Variants in SPTA1 observed in about 807,000 individuals in gnomAD.
The protein encoded by SPTA1 is spectrin alpha chain, erythrocytic 1.
Under a neutral mutation model 324.7 loss-of-function variants are expected in SPTA1, and 177 were observed. The ratio of observed to expected loss-of-function variants is 0.55; its 90% CI spans 0.48 to 0.62. The LOEUF is 0.62. SPTA1 is among the 20% of genes least tolerant of loss of function. The pLI is 0.00. For synonymous variants in SPTA1, 1,195 were observed against 1,041.3 expected, an observed-to-expected ratio of 1.15 and a Z score of -2.84; for missense variants, 3,162 against 2,883.6, an observed-to-expected ratio of 1.10 and a Z score of -2.21.
Position 158,611,029 on chromosome 1 carries a change from T to C in SPTA1, c.*235A>G. On this transcript the variant is annotated 3_prime_UTR_variant, in exon 52 of 52. Coordinates refer to ENST00000643759, the MANE Select transcript of SPTA1 (RefSeq NM_003126.4). ...CACCCCTCAGCAGTGACTAGTTGCATACAAAATAGCTTCCACTCCTCCAAC... is the reference window on the plus strand; with the variant it reads ...CACCCCTCAGCAGTGACTAGTTGCACACAAAATAGCTTCCACTCCTCCAAC... 3.7e-6 allele frequency: 2 copies of C among 535,556 alleles called. No homozygotes were observed. Among genetic ancestry groups the C allele is most frequent in the South Asian group, 2.0e-5 (1 of 49,472 alleles). The allele number at this position is 535,556 out of a possible 1,614,324, so 33.2% of individuals were successfully genotyped here.
At chr1:158,630,892 A>T (rs190448744) in intron 39 of SPTA1, among the ~76,000 whole-genome samples, 241 of 152,294 alleles carry the variant, frequency 1.6e-3, no homozygotes, top group Non-Finnish European at 2.6e-3. Context: ...AATATCACTA[A>T]TTATCAGGGA....
At chr1:158,665,776 T>A (rs1219845637) in intron 16 of SPTA1, among the ~76,000 whole-genome samples, 1 of 152,214 alleles carries the variant, frequency 6.6e-6, no homozygotes, top group African/African-American at 2.4e-5. Context: ...AAAATATTTT[T>A]AAGCTTTGAA....
At chr1:158,653,877 T>A (rs1652639976) in intron 21 of SPTA1, among the ~76,000 whole-genome samples, 1 of 152,212 alleles carries the variant, frequency 6.6e-6, no homozygotes, top group Non-Finnish European at 1.5e-5. Flanking sequence ...GAGTGTTACT[T>A]TATTTTTTAT....
chr1:158,672,331 T>C, intron 10 of SPTA1, 135 bp from the exon 11 acceptor site: 1 of 854,578 alleles, frequency 1.2e-6, no homozygotes, highest in African/African-American at 1.7e-5. Flanking sequence ...GATTCCAACT[T>C]TTAAGCAAAT....
chr1:158,612,665 G>A (rs1571365714), intron 51 of SPTA1, 152 bp downstream of exon 51: 3 of 793,210 alleles, frequency 3.8e-6, no homozygotes, highest in Non-Finnish European at 6.3e-6. Context: ...ACAAAATGAA[G>A]TGGTTACCAA....
At chr1:158,626,115 C>A (rs757785854) in intron 42 of SPTA1, 31 bp downstream of exon 42, 1 of 1,600,632 alleles carries the variant, frequency 6.2e-7, no homozygotes, top group South Asian at 1.1e-5. Flanking sequence ...TGAATCAGGT[C>A]TTGGGCTTAC....
In SPTA1 at chr1:158,659,753, G is replaced by A. The variant is rs1653082823; in HGVS notation, c.2587+1534C>T. Among the ~76,000 whole-genome samples the A allele has an allele frequency of 2.0e-5, 2 of 98,630 alleles. 1 individual carries two copies. The highest frequency in any genetic ancestry group is 1.5e-4 in the African/African-American group (2 of 13,770). The allele number at this position is 98,630 out of a possible 152,430, so 64.7% of individuals were successfully genotyped here. A position where few individuals can be genotyped will look rare whatever the true frequency, so the allele number is the denominator to read the frequency against. Reference sequence around the variant, plus strand: ...AGCCTCCCGAGTAGCTGGGACTACAGGCGCCCGCCACCGCGCCCGGCTAAT... The same window carrying A: ...AGCCTCCCGAGTAGCTGGGACTACAAGCGCCCGCCACCGCGCCCGGCTAAT... On this transcript the variant is annotated intron_variant, in intron 18 of 51. Coordinates refer to ENST00000643759, the MANE Select transcript of SPTA1 (RefSeq NM_003126.4).
Position 158,613,738 on chromosome 1 carries a change from A to G in SPTA1, c.6972T>C (p.Asp2324=). The change falls in exon 50 of 52, where the codon GAT becomes GAC. Residue 2324 remains aspartate, a synonymous_variant. Coordinates refer to ENST00000643759, the MANE Select transcript of SPTA1 (RefSeq NM_003126.4). ...GTTCCTACCTCCCTGGATCCACAGC[A>G]TCCAGGAACTTCTCAAACTTGGGCT... ...EHEPKFEKFL[D]AVDPGRKGYV... The G allele has an allele frequency of 6.2e-7, 1 of 1,613,818 alleles. No homozygotes were observed. The highest frequency in any genetic ancestry group is 8.5e-7 in the Non-Finnish European group (1 of 1,179,780).
chr1:158,635,645 G>A (rs1272586562), intron 38 of SPTA1, among the ~76,000 whole-genome samples: 1 of 152,166 alleles, frequency 6.6e-6, no homozygotes, highest in Non-Finnish European at 1.5e-5. Flanking sequence ...TGATATGAAG[G>A]ATAACACATG....
At position 158,618,068 on chromosome 1, in the gene SPTA1, G is replaced by A. The variant is rs28525570; in HGVS notation, c.6531-12C>T. ...CCAGAAAGTAAGCCCTGGACATGGA[G>A]GTCCGGAACAGGAATCACATGAGAG... On this transcript the variant is annotated splice_polypyrimidine_tract_variant and intron_variant, in intron 45 of 51. Transcript: ENST00000643759. 0.27 allele frequency: 431,878 copies of A among 1,602,240 alleles called. 60,252 individuals carry two copies. Among genetic ancestry groups the A allele is most frequent in the Non-Finnish European group, 0.28 (327,603 of 1,169,364 alleles).
In SPTA1 at chr1:158,645,574, C is replaced by A; in HGVS notation, c.3917G>T (p.Ser1306Ile). ...SKARDLQNWI[S>I]SIGGMVSSQE... ...TGATGATACCATGCCACCAATGCTACTGATCCAGTTCTGCAGATCCCTAGA... is the reference window on the plus strand; with the variant it reads ...TGATGATACCATGCCACCAATGCTAATGATCCAGTTCTGCAGATCCCTAGA... The change falls in exon 28 of 52, where the codon AGT (serine) becomes ATT (isoleucine). Residue 1306 changes from serine to isoleucine, a missense_variant. Physicochemically the swap from Ser to Ile is moderately radical, Grantham distance 142. Coordinates refer to ENST00000643759, the MANE Select transcript of SPTA1 (RefSeq NM_003126.4). 1 of 1,614,020 alleles carries A rather than the reference C, an allele frequency of 6.2e-7. No homozygotes were observed. The highest frequency in any genetic ancestry group is 8.5e-7 in the Non-Finnish European group (1 of 1,179,914).
Position 158,652,600 on chromosome 1 carries a change from C to T in SPTA1, c.3242G>A (p.Arg1081His), listed in dbSNP as rs1036744924. ...ATAGGCCAATAAAAATTCATTATAA[C>T]GTTGCAATAGACGACGTCTGCGTTC... ...AEERRRRLLQ[R>H]YNEFLLAYEA... is the part of the protein sequence containing the mutation. The change falls in exon 23 of 52, where the codon CGT becomes CAT. Residue 1081 changes from arginine (R) to histidine (H), a missense_variant. Physicochemically the swap from Arg to His is conservative, Grantham distance 29. Coordinates refer to ENST00000643759, the MANE Select transcript of SPTA1 (RefSeq NM_003126.4). 5 of 1,614,094 alleles carry T rather than the reference C, an allele frequency of 3.1e-6. No homozygotes were observed. The highest frequency in any genetic ancestry group is 2.2e-5 in the East Asian group (1 of 44,864).
rs1392136570 is a variant in SPTA1, at chr1:158,674,344, A to C, written c.1335T>G (p.Asp445Glu). ...ACTAGATTACCTTTTCCCGAACTTC[A>C]TCAGAGGCTTCATGATTGGCATTCA... Reference protein sequence around the residue: ...DLVNANHEASDEVREKMEILD... With the variant: ...DLVNANHEASEEVREKMEILD... The change falls in exon 10 of 52, where the codon GAT (aspartate) becomes GAG (glutamate). Residue 445 changes from aspartate to glutamate, a missense_variant. By Grantham distance (45) the Asp-to-Glu change is conservative (BLOSUM62 2). Coordinates refer to ENST00000643759, the MANE Select transcript of SPTA1 (RefSeq NM_003126.4). The C allele has an allele frequency of 1.9e-6, 3 of 1,614,078 alleles. No individual in the cohort carries two copies. The highest frequency in any genetic ancestry group is 2.5e-6 in the Non-Finnish European group (3 of 1,179,958).
intron 39 of SPTA1, 58 bp from the exon 40 acceptor site, chr1:158,627,781 T>C: frequency 6.6e-7 from 1 of 1,524,282 alleles, no homozygotes; most frequent in Non-Finnish European, 9.0e-7. Context: ...CTATATTCAC[T>C]CATATTCAGA....
intron 36 of SPTA1, among the ~76,000 whole-genome samples, chr1:158,637,406 C>T (rs770844220): frequency 1.8e-4 from 27 of 152,176 alleles, no homozygotes; most frequent in Non-Finnish European, 2.8e-4. Context: ...CGTGATGAGG[C>T]AGGTTAAATG....
At position 158,635,895 on chromosome 1, in the gene SPTA1, C is replaced by T. The variant is rs755077443; in HGVS notation, c.5432+18G>A. The stretch of plus-strand genomic sequence containing the variant: ...CCAAAATCCAGGAAGGGAACTGGGC[C>T]TTCTGTATCCCACTCACCGGGCCTT... On this transcript the variant is annotated intron_variant, in intron 38 of 51. Coordinates refer to ENST00000643759, the MANE Select transcript of SPTA1 (RefSeq NM_003126.4). 2 of 1,613,992 alleles carry T rather than the reference C, an allele frequency of 1.2e-6. No homozygotes were observed. The highest frequency in any genetic ancestry group is 8.5e-7 in the Non-Finnish European group (1 of 1,180,006).
chr1:158,651,370 C>G lies in SPTA1; in HGVS notation c.3474G>C (p.Arg1158=). The G allele has an allele frequency of 6.2e-7, 1 of 1,611,788 alleles. No individual in the cohort carries two copies. The highest frequency in any genetic ancestry group is 8.5e-7 in the Non-Finnish European group (1 of 1,177,966). The part of the protein sequence containing the change: ...GLLTPEGAQI[R]QELNSRWGSL... ...GAATGGAGGGAGCCTTAGTTACCTG[C>G]CGGATTTGAGCTCCTTCTGGTGTTA... Residue 1158 remains arginine (R), a synonymous_variant, in exon 24 of 52, where the codon CGG becomes CGC. Coordinates refer to ENST00000643759, the MANE Select transcript of SPTA1 (RefSeq NM_003126.4).
intron 24 of SPTA1, 137 bp from the exon 25 acceptor site, chr1:158,650,084 T>C (rs1652311910): frequency 4.2e-6 from 3 of 718,936 alleles, no homozygotes; most frequent in Non-Finnish European, 7.4e-6. Flanking sequence ...TTTGCTTCTT[T>C]CTTGGACAGC....
intron 43 of SPTA1, 102 bp downstream of exon 43, chr1:158,622,881 G>GT: frequency 9.4e-7 from 1 of 1,065,734 alleles, no homozygotes; most frequent in South Asian, 1.3e-5. Context: ...GCAATAAAAG[G>GT]TTTTTGTATT....
Sources: allele counts gnomAD v4.1 joint callset (sites outside exome capture counted in the v4.1 genomes callset), GRCh38; gene constraint gnomAD v4.1.1; transcripts MANE v1.5; gene names NCBI Gene and HGNC (gene_info 2026-07-23, HGNC 2026-07-21).